ATP8B4: variants seen among roughly 807,000 people sequenced by gnomAD.
The protein encoded by ATP8B4 is ATPase phospholipid transporting 8B4 (putative), also known as probable phospholipid-transporting ATPase IM.
In ATP8B4, 133 loss-of-function variants were observed where a neutral mutation model predicts 145.6. The observed-to-expected ratio is 0.91, with a 90% CI of 0.79 to 1.05. The LOEUF (loss-of-function observed/expected upper bound fraction) is 1.05. ATP8B4 is among the 50% of genes least tolerant of loss of function. ATP8B4 has a pLI of 0.00. For synonymous variants in ATP8B4, 507 were observed against 492.9 expected, an observed-to-expected ratio of 1.03 and a Z score of -0.38; for missense variants, 1,458 against 1,425.2, an observed-to-expected ratio of 1.02 and a Z score of -0.37.
intron 2 of ATP8B4, among the ~76,000 whole-genome samples, chr15:50,095,524 A>C (rs2055917670): frequency 6.6e-6 from 1 of 152,184 alleles, no homozygotes; most frequent in Non-Finnish European, 1.5e-5. Flanking sequence ...TAGGAGGCCC[A>C]GGGTGAAAGA....
intron 18 of ATP8B4, among the ~76,000 whole-genome samples, chr15:49,919,643 T>C (rs2040073798): frequency 6.6e-6 from 1 of 152,058 alleles, no homozygotes; most frequent in Non-Finnish European, 1.5e-5. Context: ...GGTCTCCATC[T>C]CCGGACCTCG....
At chr15:50,050,644 A>C (rs2052104790) in intron 3 of ATP8B4, among the ~76,000 whole-genome samples, 1 of 152,016 alleles carries the variant, frequency 6.6e-6, no homozygotes, top group Non-Finnish European at 1.5e-5. Context: ...GGCTAAATGC[A>C]CCAAAAGAAA....
At chr15:49,871,373 TAGAC>T (rs2033642591) in intron 25 of ATP8B4, among the ~76,000 whole-genome samples, 1 of 152,204 alleles carries the variant, frequency 6.6e-6, no homozygotes, top group Non-Finnish European at 1.5e-5. Context: ...ACACTGGAAT[TAGAC>T]AGAACTGGAT....
Position 50,105,255 on chromosome 15 carries a change from GAAA to G in ATP8B4, c.28+1681_28+1683del, listed in dbSNP as rs35342585. Among the ~76,000 whole-genome samples the G allele has an allele frequency of 4.6e-3, 535 of 116,716 alleles. 1 individual carries two copies. The highest frequency in any genetic ancestry group is 6.4e-3 in the South Asian group (23 of 3,570). 76.6% of individuals were successfully genotyped at this position (116,716 alleles called of 152,430 possible). On this transcript the variant is annotated intron_variant, in intron 2 of 27. Transcript: ENST00000284509. ...ATTCCCCAAAAACTTACTGAAATTT[GAAA>G]AAAAAAAAAAAAAAAGACCCCACGT...
intron 27 of ATP8B4, among the ~76,000 whole-genome samples, chr15:49,861,897 C>T (rs1598754008): frequency 1.3e-5 from 2 of 152,214 alleles, no homozygotes; most frequent in East Asian, 3.9e-4. Flanking sequence ...TTGTACTTGC[C>T]CTCAAATCAG....
At chr15:50,153,671 A>C (rs1320378808) in intron 1 of ATP8B4, among the ~76,000 whole-genome samples, 1 of 152,194 alleles carries the variant, frequency 6.6e-6, no homozygotes, top group Non-Finnish European at 1.5e-5. Context: ...AGCTGAAGGC[A>C]ATGATGCACG....
intron 25 of ATP8B4, among the ~76,000 whole-genome samples, chr15:49,873,744 G>A (rs540487454): frequency 6.6e-6 from 1 of 152,208 alleles, no homozygotes; most frequent in African/African-American, 2.4e-5. Flanking sequence ...GAGGTGTGGC[G>A]ACCGCAGCAC....
intron 2 of ATP8B4, among the ~76,000 whole-genome samples, chr15:50,093,954 T>C (rs1181575047): frequency 6.6e-6 from 1 of 152,190 alleles, no homozygotes; most frequent in African/African-American, 2.4e-5. Context: ...TAAATTTGTA[T>C]GCATCCAATA....
chr15:50,074,267 TG>T, intron 2 of ATP8B4, 82 bp from the exon 3 acceptor site: 1 of 1,223,690 alleles, frequency 8.2e-7, no homozygotes, highest in Non-Finnish European at 1.2e-6. Flanking sequence ...AGACTTAGGT[TG>T]CTTTGTTGTT....
chr15:49,993,436 A>C (rs567339369), intron 9 of ATP8B4, among the ~76,000 whole-genome samples: 1 of 152,138 alleles, frequency 6.6e-6, no homozygotes, highest in African/African-American at 2.4e-5. Flanking sequence ...CTTGGAAAGA[A>C]GTGATGGAGA....
intron 1 of ATP8B4, among the ~76,000 whole-genome samples, chr15:50,159,595 T>G (rs2044484764): frequency 6.6e-6 from 1 of 152,214 alleles, no homozygotes; most frequent in African/African-American, 2.4e-5. Context: ...GCTTTCAGTT[T>G]TTTCCCCACT....
chr15:49,954,038 T>C (rs529668907), intron 14 of ATP8B4, among the ~76,000 whole-genome samples: 3 of 152,048 alleles, frequency 2.0e-5, no homozygotes, highest in African/African-American at 4.8e-5. Context: ...CCTGGATACC[T>C]TGGTTGCCGG....
chr15:49,866,403 A>G lies in ATP8B4; in HGVS notation c.3109T>C (p.Phe1037Leu). The part of the protein sequence containing the change: ...GSIAIYFSIL[F>L]TMHSNGIFGI... ...AAGATGCCATTACTGTGCATTGTAA[A>G]TAAAATGGAGAAATAAATGGCAATG... Residue 1037 changes from phenylalanine (F) to leucine (L), a missense_variant, in exon 26 of 28, where the codon TTT becomes CTT. Coordinates refer to ENST00000284509, the MANE Select transcript of ATP8B4 (RefSeq NM_024837.4). 6.2e-7 allele frequency: 1 copy of G among 1,613,968 alleles called. No individual in the cohort carries two copies. The highest frequency in any genetic ancestry group is 1.1e-5 in the South Asian group (1 of 91,084).
At chr15:50,155,685 C>T (rs539979708) in intron 1 of ATP8B4, among the ~76,000 whole-genome samples, 12 of 152,048 alleles carry the variant, frequency 7.9e-5, no homozygotes, top group African/African-American at 2.4e-4. Flanking sequence ...CAACATACAA[C>T]GTAATGTATG....
At chr15:49,916,897 C>G (rs769397718) in intron 20 of ATP8B4, 37 bp downstream of exon 20, 10 of 1,574,972 alleles carry the variant, frequency 6.3e-6, no homozygotes, top group South Asian at 4.5e-5. Flanking sequence ...CCCTCCCTCT[C>G]GTCCTTCCAT....
rs574150050 is a variant in ATP8B4, at chr15:49,884,975, G to A, written c.2698-5516C>T. 1.2e-3 allele frequency among the ~76,000 whole-genome samples: 179 copies of A among 152,220 alleles called. 4 individuals carry two copies. The South Asian group carries it at 0.036, about 31-fold the overall frequency. On this transcript the variant is annotated intron_variant, in intron 23 of 27. Transcript: ENST00000284509. Reference sequence around the variant, plus strand: ...AAATTGTCTTCCATGAAACATCCCTGGTACCAAAAAGATTGGGGACCACTG... The same window carrying A: ...AAATTGTCTTCCATGAAACATCCCTAGTACCAAAAAGATTGGGGACCACTG...
chr15:50,021,434 C>G (rs2049562353), intron 6 of ATP8B4, among the ~76,000 whole-genome samples: 1 of 152,166 alleles, frequency 6.6e-6, no homozygotes, highest in Non-Finnish European at 1.5e-5. Context: ...TCTTGCCAGC[C>G]CTTCAGCACT....
intron 8 of ATP8B4, among the ~76,000 whole-genome samples, chr15:50,000,681 C>T (rs1168879592): frequency 2.6e-5 from 4 of 152,128 alleles, no homozygotes; most frequent in Non-Finnish European, 4.4e-5. Context: ...ACAGGAACTT[C>T]TGTGGAACAA....
chr15:50,159,303 C>G (rs2044480267), intron 1 of ATP8B4, among the ~76,000 whole-genome samples: 1 of 152,140 alleles, frequency 6.6e-6, no homozygotes, highest in African/African-American at 2.4e-5. Context: ...AGGTTGTTCA[C>G]TTAGCATATA....
Sources: allele counts gnomAD v4.1 joint callset (sites outside exome capture counted in the v4.1 genomes callset), GRCh38; gene constraint gnomAD v4.1.1; transcripts MANE v1.5; gene names NCBI Gene and HGNC (gene_info 2026-07-23, HGNC 2026-07-21).